The following COL23A1 variants were observed in gnomAD, a reference collection of about 807,000 sequenced individuals.
COL23A1 encodes the protein collagen alpha-1(XXIII) chain.
Under a neutral mutation model 99.3 loss-of-function variants are expected in COL23A1, and 97 were observed. The ratio of observed to expected loss-of-function variants is 0.98; its 90% CI spans 0.83 to 1.16. The LOEUF (loss-of-function observed/expected upper bound fraction) is 1.16. COL23A1 is among the 50% of genes most tolerant of loss of function. The probability of loss-of-function intolerance (pLI) is 0.00; values close to 1 mark genes in which losing one functional copy is unlikely to be tolerated. For missense variants in COL23A1, 762 were observed against 757.4 expected (o/e 1.01, Z -0.07); for synonymous variants, 320 against 308.2 (o/e 1.04, Z -0.40).
intron 2 of COL23A1, among the ~76,000 whole-genome samples, chr5:178,437,348 G>A (rs1766614060): frequency 6.6e-6 from 1 of 152,100 alleles, no homozygotes; most frequent in Non-Finnish European, 1.5e-5. Context: ...GGCTCTTTAG[G>A]ACCTACCTGG....
chr5:178,578,120 T>TGC (rs1763482360), intron 1 of COL23A1, among the ~76,000 whole-genome samples: 1 of 144,928 alleles, frequency 6.9e-6, no homozygotes. Context: ...CACACATTCA[T>TGC]GCACACACAC....
intron 2 of COL23A1, among the ~76,000 whole-genome samples, chr5:178,361,736 C>T (rs1415488719): frequency 6.6e-6 from 1 of 152,194 alleles, no homozygotes; most frequent in Non-Finnish European, 1.5e-5. Context: ...GACCTGTGAC[C>T]CCTTGGGAAC....
chr5:178,244,479 G>A (rs1261180092), intron 25 of COL23A1, among the ~76,000 whole-genome samples: 1 of 152,192 alleles, frequency 6.6e-6, no homozygotes, highest in African/African-American at 2.4e-5. Flanking sequence ...TGACAGTTCA[G>A]CGTTGACCTA....
intron 2 of COL23A1, among the ~76,000 whole-genome samples, chr5:178,320,730 C>T (rs1159899912): frequency 1.3e-5 from 2 of 152,230 alleles, no homozygotes; most frequent in Admixed American, 1.3e-4. Flanking sequence ...GGGCTGAGGC[C>T]CGGCTTCCGC....
At chr5:178,353,651 C>T (rs868355713) in intron 2 of COL23A1, among the ~76,000 whole-genome samples, 20 of 152,298 alleles carry the variant, frequency 1.3e-4, no homozygotes, top group Middle Eastern at 6.8e-3. Context: ...AAAGTAGTAA[C>T]ATGAAATAGT....
intron 1 of COL23A1, chr5:178,561,974 G>C: frequency 4.9e-6 from 2 of 407,254 alleles, no homozygotes; most frequent in Non-Finnish European, 4.9e-6. Context: ...TTTTACAGAC[G>C]GGCAACAAGA....
chr5:178,295,491 T>C (rs1228793581), intron 3 of COL23A1, among the ~76,000 whole-genome samples: 2 of 152,212 alleles, frequency 1.3e-5, no homozygotes, highest in South Asian at 2.1e-4. Flanking sequence ...TGACCTACTG[T>C]GTGAAGGGCA....
intron 2 of COL23A1, among the ~76,000 whole-genome samples, chr5:178,370,195 T>C (rs1025458840): frequency 6.6e-6 from 1 of 152,238 alleles, no homozygotes; most frequent in Non-Finnish European, 1.5e-5. Context: ...ACAAAAGGTT[T>C]TGAAAAGAGC....
intron 5 of COL23A1, among the ~76,000 whole-genome samples, chr5:178,283,846 C>T (rs1757024433): frequency 6.6e-6 from 1 of 152,164 alleles, no homozygotes; most frequent in South Asian, 2.1e-4. Flanking sequence ...CAAGATACCT[C>T]CGGGAAGATG....
intron 2 of COL23A1, among the ~76,000 whole-genome samples, chr5:178,356,217 G>A (rs911747621): frequency 6.6e-6 from 1 of 152,104 alleles, no homozygotes; most frequent in Non-Finnish European, 1.5e-5. Flanking sequence ...GAGGGGAGGA[G>A]GACAGCCAAT....
intron 2 of COL23A1, among the ~76,000 whole-genome samples, chr5:178,349,721 A>T (rs1376163749): frequency 1.3e-5 from 2 of 152,120 alleles, no homozygotes; most frequent in Admixed American, 1.3e-4. Flanking sequence ...TGAATGATGG[A>T]CCAAGTCCTA....
Position 178,366,610 on chromosome 5 carries a change from T to A in COL23A1, c.362-59691A>T, listed in dbSNP as rs1762493920. Among the ~76,000 whole-genome samples, 1 of 152,064 alleles carries A rather than the reference T, an allele frequency of 6.6e-6. No homozygotes were observed. The highest frequency in any genetic ancestry group is 1.5e-5 in the Non-Finnish European group (1 of 68,012). ...CGGTGATCACTGTGACTAGAACAAG[T>A]CCTCGTGTCTCTCTATGTGAGCCCC... On this transcript the variant is annotated intron_variant, in intron 2 of 28. Coordinates refer to ENST00000390654, the MANE Select transcript of COL23A1 (RefSeq NM_173465.4). The surrounding 1 kb of genome is among the most constrained non-coding windows in gnomAD (Gnocchi z 4.4).
intron 2 of COL23A1, among the ~76,000 whole-genome samples, chr5:178,538,897 A>G (rs1761127517): frequency 6.6e-6 from 1 of 152,258 alleles, no homozygotes; most frequent in Non-Finnish European, 1.5e-5. Context: ...AGCCATAAAA[A>G]AAGAATCAAG....
chr5:178,376,914 C>G (rs4976724), intron 2 of COL23A1, among the ~76,000 whole-genome samples: 16,333 of 152,218 alleles, frequency 0.11, 1,283 homozygotes, highest in East Asian at 0.3. Flanking sequence ...CAAAGTGAAC[C>G]CTGGCCACTT....
chr5:178,569,434 G>A (rs1055103196), intron 1 of COL23A1, among the ~76,000 whole-genome samples: 15 of 152,170 alleles, frequency 9.9e-5, no homozygotes, highest in African/African-American at 2.9e-4. Flanking sequence ...CAATGGTTTC[G>A]TGCTGGTCTT....
chr5:178,390,370 G>C (rs1015123304), intron 2 of COL23A1, among the ~76,000 whole-genome samples: 24 of 152,236 alleles, frequency 1.6e-4, no homozygotes, highest in African/African-American at 5.3e-4. Context: ...CCATGAGGCA[G>C]GTCACCTGCT....
intron 1 of COL23A1, among the ~76,000 whole-genome samples, chr5:178,582,773 C>T (rs569770806): frequency 6.6e-6 from 1 of 152,322 alleles, no homozygotes; most frequent in Non-Finnish European, 1.5e-5. Flanking sequence ...TTGGGGTACT[C>T]CCCAGACTCC....
At chr5:178,513,093 A>G (rs1249129678) in intron 2 of COL23A1, among the ~76,000 whole-genome samples, 2 of 152,164 alleles carry the variant, frequency 1.3e-5, no homozygotes, top group Non-Finnish European at 2.9e-5. Flanking sequence ...GCAGATGGAG[A>G]GGAGGAAGGC....
At chr5:178,552,873 C>G (rs1185351893) in intron 2 of COL23A1, among the ~76,000 whole-genome samples, 2 of 152,060 alleles carry the variant, frequency 1.3e-5, no homozygotes, top group Non-Finnish European at 2.9e-5. Context: ...GCCACCACAC[C>G]TGGCTAATTT....
Sources: gnomAD v4.1 joint callset for allele counts (sites outside exome capture counted in the v4.1 genomes callset) on GRCh38, gnomAD v4.1.1 for gene constraint, Gnocchi (gnomAD v3.1) non-coding constraint, MANE v1.5 for transcripts, NCBI Gene and HGNC (gene_info 2026-07-23, HGNC 2026-07-21) for gene names.